KLKB1: variants seen among roughly 807,000 people sequenced by gnomAD.
KLKB1 encodes plasma kallikrein.
KLKB1 carries 58 observed loss-of-function variants against 73.6 expected under a neutral mutation model. The observed-to-expected ratio is 0.79, with a 90% CI of 0.64 to 0.98. The LOEUF (loss-of-function observed/expected upper bound fraction) is 0.98, where lower values mean the gene tolerates loss of function less well. Among genes scored for constraint, KLKB1 ranks in the 50% least tolerant of loss-of-function variants. The pLI is 0.00. For synonymous variants in KLKB1, 280 were observed against 258.1 expected (o/e 1.08, Z -0.81); for missense variants, 737 against 763.8 (o/e 0.96, Z 0.41).
At chr4:186,229,050 C>G (rs150588627) in intron 2 of KLKB1, 81 of 152,192 alleles carry the variant, frequency 5.3e-4, no homozygotes, top group African/African-American at 1.9e-3. Context: ...TTTATTCCCC[C>G]TAAATCACAA....
At chr4:186,219,318 A>G (rs1290951976) in intron 2 of KLKB1, among the ~76,000 whole-genome samples, 2 of 152,118 alleles carry the variant, frequency 1.3e-5, no homozygotes, top group Non-Finnish European at 2.9e-5. Context: ...TTGAACCCAT[A>G]CGCATCTCCT....
chr4:186,250,988 C>CTT, intron 7 of KLKB1: 2 of 525,768 alleles, frequency 3.8e-6, no homozygotes, highest in Non-Finnish European at 6.7e-6. Context: ...TCATTGTCCT[C>CTT]TTTTCAGGTT....
chr4:186,247,711 A>G (rs1247976968), intron 6 of KLKB1, among the ~76,000 whole-genome samples: 1 of 152,220 alleles, frequency 6.6e-6, no homozygotes, highest in Non-Finnish European at 1.5e-5. Flanking sequence ...AAATACCAAG[A>G]AAATTTAATT....
intron 6 of KLKB1, among the ~76,000 whole-genome samples, chr4:186,241,048 T>C (rs2126647943): frequency 6.6e-6 from 1 of 152,298 alleles, no homozygotes; most frequent in Middle Eastern, 3.4e-3. Flanking sequence ...TCGGATCAAA[T>C]GGCCTTTACA....
chr4:186,256,148 G>C, intron 13 of KLKB1, 61 bp downstream of exon 13: 1 of 1,044,552 alleles, frequency 9.6e-7, no homozygotes. Context: ...AATACATGGA[G>C]TGGGTCGTTT....
At chr4:186,219,315 C>T (rs777690306) in intron 2 of KLKB1, among the ~76,000 whole-genome samples, 2 of 152,116 alleles carry the variant, frequency 1.3e-5, no homozygotes, top group Non-Finnish European at 2.9e-5. Flanking sequence ...TACTTGAACC[C>T]ATACGCATCT....
At chr4:186,217,409 A>G (rs1026062333) in intron 2 of KLKB1, among the ~76,000 whole-genome samples, 2 of 152,148 alleles carry the variant, frequency 1.3e-5, no homozygotes, top group Admixed American at 6.5e-5. Flanking sequence ...GCACCACTTG[A>G]TATCCTAAAA....
At chr4:186,235,984 C>G (rs6831571) in intron 4 of KLKB1, among the ~76,000 whole-genome samples, 4,180 of 151,180 alleles carry the variant, frequency 0.028, 147 homozygotes, top group African/African-American at 0.085. Context: ...CGTGGTGGCG[C>G]GCGCCTGTAG....
chr4:186,245,245 C>T (rs899517042), intron 6 of KLKB1, among the ~76,000 whole-genome samples: 9 of 152,106 alleles, frequency 5.9e-5, no homozygotes, highest in Non-Finnish European at 7.4e-5. Context: ...TTGAAAAGAA[C>T]GTAATGTGGA....
At chr4:186,257,825 A>G (rs1306390585) in intron 14 of KLKB1, among the ~76,000 whole-genome samples, 196 bp from the exon 15 acceptor site, 3 of 151,570 alleles carry the variant, frequency 2.0e-5, no homozygotes, top group East Asian at 1.9e-4. Context: ...TGGGAGGCCA[A>G]TGCAGGTGGA....
intron 12 of KLKB1, 127 bp from the exon 13 acceptor site, chr4:186,255,865 G>A (rs1738967400): frequency 1.4e-6 from 1 of 701,942 alleles, no homozygotes; most frequent in Non-Finnish European, 2.5e-6. Flanking sequence ...AGGTTGGGCA[G>A]AAAGCAAAAA....
At chr4:186,214,282 C>T (rs1386466861) in intron 2 of KLKB1, among the ~76,000 whole-genome samples, 1 of 152,196 alleles carries the variant, frequency 6.6e-6, no homozygotes, top group African/African-American at 2.4e-5. Context: ...CATGTCTGCC[C>T]TGCTCACTCT....
intron 13 of KLKB1, 28 bp downstream of exon 13, chr4:186,256,115 C>T: frequency 2.9e-6 from 4 of 1,403,230 alleles, no homozygotes; most frequent in Non-Finnish European, 4.0e-6. Flanking sequence ...AATATTGCTT[C>T]TAGAGTAAGT....
rs1017780968 is a variant in KLKB1, at chr4:186,236,817, G to A, written c.365G>A (p.Arg122Lys). 1.9e-6 allele frequency: 3 copies of A among 1,613,822 alleles called. No individual in the cohort carries two copies. Among genetic ancestry groups the A allele is most frequent in the Admixed American group, 1.7e-5 (1 of 59,996 alleles). The change falls in exon 5 of 15, where the codon AGA becomes AAA. Residue 122 changes from arginine (R) to lysine (K), a missense_variant. Coordinates refer to ENST00000264690, the MANE Select transcript of KLKB1 (RefSeq NM_000892.5). ...GACATTTATAAAGGAGTTGATATGA[G>A]AGGAGTCAATTTTAATGTGTCTAAG... ...HRDIYKGVDM[R>K]GVNFNVSKVS...
At chr4:186,215,579 A>G (rs1736880027) in intron 2 of KLKB1, among the ~76,000 whole-genome samples, 1 of 151,358 alleles carries the variant, frequency 6.6e-6, no homozygotes, top group Non-Finnish European at 1.5e-5. Flanking sequence ...TTATTTATTT[A>G]TTTATCTATC....
Position 186,257,236 on chromosome 4 carries a change from A to C in KLKB1, c.1596A>C (p.Gln532His). Residue 532 changes from glutamine (Q) to histidine (H), a missense_variant, in exon 14 of 15, where the codon CAA becomes CAC. Physicochemically the swap from Gln to His is conservative, Grantham distance 24 (BLOSUM62 0). Coordinates refer to ENST00000264690, the MANE Select transcript of KLKB1 (RefSeq NM_000892.5). ...ATTGGTTACTCACAGGTGAAATCCA[A>C]AATATTCTACAAAAGGTAAATATTC... Reference protein sequence around the residue: ...WGFSKEKGEIQNILQKVNIPL... With the variant: ...WGFSKEKGEIHNILQKVNIPL... The C allele has an allele frequency of 6.3e-7, 1 of 1,587,530 alleles. No homozygotes were observed. Among genetic ancestry groups the C allele is most frequent in the African/African-American group, 1.3e-5 (1 of 74,510 alleles).
At chr4:186,248,308 A>C (rs1361155693) in intron 6 of KLKB1, among the ~76,000 whole-genome samples, 1 of 151,520 alleles carries the variant, frequency 6.6e-6, no homozygotes, top group East Asian at 1.9e-4. Context: ...CTCCTTTCCC[A>C]TTGGCCGTCT....
chr4:186,241,660 C>T (rs994049397), intron 6 of KLKB1, among the ~76,000 whole-genome samples: 6 of 151,928 alleles, frequency 3.9e-5, no homozygotes, highest in Non-Finnish European at 7.4e-5. Flanking sequence ...TATTTTCAAG[C>T]CAAAAGGAGG....
At chr4:186,251,160 C>T (rs1367668981) in intron 7 of KLKB1, 59 bp from the exon 8 acceptor site, 1 of 1,113,242 alleles carries the variant, frequency 9.0e-7, no homozygotes, top group Non-Finnish European at 1.4e-6. Flanking sequence ...TTTGTATTTG[C>T]CTAATGCCTT....
Sources: gnomAD v4.1 joint callset for allele counts (sites outside exome capture counted in the v4.1 genomes callset) on GRCh38, gnomAD v4.1.1 for gene constraint, MANE v1.5 for transcripts, NCBI Gene and HGNC (gene_info 2026-07-23, HGNC 2026-07-21) for gene names.